The following FYB1 variants were observed in gnomAD, a reference collection of about 807,000 sequenced individuals.
FYB1 encodes the protein FYN binding protein 1, also known as FYN-binding protein 1.
FYB1 carries 41 observed loss-of-function variants against 94.1 expected under a neutral mutation model. The observed-to-expected ratio is 0.44, with a 90% CI of 0.34 to 0.57. The LOEUF is 0.57. FYB1 is among the 20% of genes least tolerant of loss of function. The pLI, the probability that FYB1 is intolerant of heterozygous loss-of-function variation, is 0.02. For missense variants in FYB1, 1,050 were observed against 976.8 expected (o/e 1.07, Z -1.00); for synonymous variants, 367 against 353.2 (o/e 1.04, Z -0.44).
At chr5:39,132,140 C>T (rs755236706) in intron 9 of FYB1, among the ~76,000 whole-genome samples, 3 of 152,146 alleles carry the variant, frequency 2.0e-5, no homozygotes, top group Non-Finnish European at 4.4e-5. Flanking sequence ...GCTTTGAAGC[C>T]TCAAAACTGC....
At chr5:39,200,119 C>T (rs1332820791) in intron 2 of FYB1, among the ~76,000 whole-genome samples, 1 of 152,152 alleles carries the variant, frequency 6.6e-6, no homozygotes, top group African/African-American at 2.4e-5. Context: ...GGGCTACTGA[C>T]AGTGAGGAAG....
At chr5:39,197,271 G>A (rs1176468435) in intron 2 of FYB1, among the ~76,000 whole-genome samples, 1 of 152,124 alleles carries the variant, frequency 6.6e-6, no homozygotes, top group East Asian at 1.9e-4. Flanking sequence ...TTTAGTAATA[G>A]AATCTCATTT....
rs893696977 is a variant in FYB1 at position 39,137,875 on chromosome 5, G to C, written c.1395-155C>G. 5.3e-5 allele frequency: 50 copies of C among 941,536 alleles called. No individual in the cohort carries two copies. In the South Asian group the frequency reaches 6.2e-4, roughly 12 times the overall value. 58.3% of individuals were successfully genotyped at this position (941,536 alleles called of 1,614,324 possible). On this transcript the variant is annotated intron_variant, in intron 6 of 18. Coordinates refer to ENST00000512982, the MANE Select transcript of FYB1 (RefSeq NM_001465.6). ...GGTTGTCAAAATCCGGAATGTGTGA[G>C]ATTATTTTTAAAACCAGTAGGAGGC...
chr5:39,134,572 C>T (rs922271474), intron 8 of FYB1, among the ~76,000 whole-genome samples: 1 of 152,122 alleles, frequency 6.6e-6, no homozygotes, highest in African/African-American at 2.4e-5. Context: ...TTTAAATATT[C>T]TAAAGTGATT....
intron 1 of FYB1, among the ~76,000 whole-genome samples, chr5:39,226,417 C>G (rs1212382629): frequency 6.6e-6 from 1 of 151,594 alleles, no homozygotes; most frequent in Non-Finnish European, 1.5e-5. Flanking sequence ...AAAAAATCAA[C>G]TCTTTAAGAG....
At chr5:39,270,443 G>T in intron 1 of FYB1, 1 of 800,970 alleles carries the variant, frequency 1.2e-6, no homozygotes, top group Non-Finnish European at 1.9e-6. Context: ...GGAAAAAGTG[G>T]CCAAGCAAAA....
rs1395399489 is a variant in FYB1 at position 39,127,173 on chromosome 5, G to T, written c.1907+568C>A. On this transcript the variant is annotated intron_variant, in intron 11 of 18. Transcript: ENST00000512982. ...TAAAATATTTTTATGTTTATAAATT[G>T]TTATAATTATTATAAATGAACAGAT... is the stretch of plus-strand genomic sequence containing the variant. Among the ~76,000 whole-genome samples the T allele has an allele frequency of 2.0e-5, 3 of 148,344 alleles. No homozygotes were observed. The Admixed American group carries it at 2.0e-4, about 10-fold the overall frequency.
chr5:39,213,795 C>T (rs1749626683), intron 1 of FYB1, among the ~76,000 whole-genome samples: 1 of 151,990 alleles, frequency 6.6e-6, no homozygotes, highest in African/African-American at 2.4e-5. Context: ...TTTAGGGGCC[C>T]AGGACACCAT....
At position 39,248,142 on chromosome 5, in the gene FYB1, C is replaced by A. The variant is rs1751566490; in HGVS notation, c.-28+26261G>T. On this transcript the variant is annotated intron_variant, in intron 1 of 1. Transcript: ENST00000510188. Reference sequence around the variant, plus strand: ...AAGAACTATAAATAAAGAAAAGGGACTTACATGTTGAAAATAAGTTTGAAT... The same window carrying A: ...AAGAACTATAAATAAAGAAAAGGGAATTACATGTTGAAAATAAGTTTGAAT... Among the ~76,000 whole-genome samples the A allele has an allele frequency of 2.6e-5, 4 of 152,228 alleles. No individual in the cohort carries two copies. In the South Asian group the frequency reaches 8.3e-4, roughly 32 times the overall value.
intron 11 of FYB1, among the ~76,000 whole-genome samples, chr5:39,127,450 CAAAAAAA>C (rs34709432): frequency 1.5e-5 from 1 of 66,438 alleles, no homozygotes; most frequent in African/African-American, 4.7e-5. Flanking sequence ...GACTCTGTCT[CAAAAAAA>C]AAAAAAAAAA....
At chr5:39,232,036 G>T (rs1750766199) in intron 1 of FYB1, among the ~76,000 whole-genome samples, 1 of 152,012 alleles carries the variant, frequency 6.6e-6, no homozygotes, top group Non-Finnish European at 1.5e-5. Flanking sequence ...CAAACTGTTT[G>T]CCTTAGCTCT....
At chr5:39,167,161 A>C (rs13168331) in intron 2 of FYB1, among the ~76,000 whole-genome samples, 3 of 152,166 alleles carry the variant, frequency 2.0e-5, no homozygotes, top group Admixed American at 2.0e-4. Flanking sequence ...TATAAAAGCC[A>C]CAAAGAAGTA....
At chr5:39,149,289 A>G (rs1007101054) in intron 3 of FYB1, among the ~76,000 whole-genome samples, 6 of 152,196 alleles carry the variant, frequency 3.9e-5, no homozygotes, top group Admixed American at 6.5e-5. Context: ...CAGGCTGCAG[A>G]TGATAAAGTC....
chr5:39,181,385 AT>A (rs932251854), intron 2 of FYB1, among the ~76,000 whole-genome samples: 1 of 151,906 alleles, frequency 6.6e-6, no homozygotes, highest in African/African-American at 2.4e-5. Context: ...TTGAATTTCA[AT>A]TTAATTTAAT....
At chr5:39,228,559 AG>A (rs1241198070) in intron 1 of FYB1, among the ~76,000 whole-genome samples, 2 of 152,194 alleles carry the variant, frequency 1.3e-5, no homozygotes, top group African/African-American at 2.4e-5. Context: ...CCAGAACTGA[AG>A]GAAGTGGAAG....
chr5:39,155,466 A>G (rs941746948), intron 2 of FYB1, among the ~76,000 whole-genome samples: 5 of 152,306 alleles, frequency 3.3e-5, no homozygotes, highest in Admixed American at 3.3e-4. Context: ...TTCCAACTCA[A>G]GATATTTATG....
chr5:39,191,946 A>G (rs1464869477), intron 2 of FYB1, among the ~76,000 whole-genome samples: 2 of 152,258 alleles, frequency 1.3e-5, no homozygotes, highest in South Asian at 4.1e-4. Flanking sequence ...CAAAACAAAA[A>G]GCATGCACAA....
Position 39,122,312 on chromosome 5 carries a change from T to C in FYB1, c.2138+24A>G, listed in dbSNP as rs140310733. The C allele has an allele frequency of 8.6e-4, 1,214 of 1,416,674 alleles. 9 individuals are homozygous for C. The African/African-American group carries it at 0.015, about 18-fold the overall frequency. The allele number at this position is 1,416,674 out of a possible 1,614,324, so 87.8% of individuals were successfully genotyped here. A position where few individuals can be genotyped will look rare whatever the true frequency, so the allele number is the denominator to read the frequency against. On this transcript the variant is annotated intron_variant, in intron 14 of 18. Coordinates refer to ENST00000512982, the MANE Select transcript of FYB1 (RefSeq NM_001465.6). ...GAGTATTCTCATTTTCATTACTTCA[T>C]TGTAATGAAAGCATTTTAATTACCT...
At chr5:39,139,405 G>A (rs576355081) in intron 4 of FYB1, 153 bp from the exon 5 acceptor site, 40 of 612,360 alleles carry the variant, frequency 6.5e-5, no homozygotes, top group South Asian at 3.2e-4. Context: ...AATCAAATAC[G>A]TACTTTAGAT....
Sources: gnomAD v4.1 joint callset for allele counts (sites outside exome capture counted in the v4.1 genomes callset) on GRCh38, gnomAD v4.1.1 for gene constraint, MANE v1.5 for transcripts, NCBI Gene and HGNC (gene_info 2026-07-23, HGNC 2026-07-21) for gene names.